Variants in LRRC4C observed in about 807,000 individuals in gnomAD.
LRRC4C encodes leucine-rich repeat-containing protein 4C.
A neutral mutation model predicts 33.6 loss-of-function variants in LRRC4C; 5 were observed. The ratio of observed to expected loss-of-function variants is 0.15; its 90% CI spans 0.08 to 0.31. LRRC4C has a LOEUF of 0.31. Ranked by LOEUF, LRRC4C falls within the 10% of genes least tolerant of loss-of-function variation. LRRC4C has a pLI of 1.00. For missense variants in LRRC4C, 560 were observed against 796.7 expected (o/e 0.70, Z 3.58); for synonymous variants, 329 against 302.0 (o/e 1.09, Z -0.93).
intron 2 of LRRC4C, among the ~76,000 whole-genome samples, chr11:40,896,031 T>G (rs2136146567): frequency 6.6e-6 from 1 of 152,086 alleles, no homozygotes; most frequent in Admixed American, 6.6e-5. Flanking sequence ...CACCAAGGGG[T>G]TTTAGATAAG....
chr11:40,214,372 T>TA (rs1394695871), intron 5 of LRRC4C, among the ~76,000 whole-genome samples: 13 of 152,138 alleles, frequency 8.5e-5, no homozygotes, highest in African/African-American at 3.1e-4. Context: ...ATTCTGTTCC[T>TA]AAGTCCCTAT....
chr11:41,410,740 G>A (rs566007625), intron 1 of LRRC4C, among the ~76,000 whole-genome samples: 3 of 152,114 alleles, frequency 2.0e-5, no homozygotes, highest in South Asian at 2.1e-4. Context: ...GCGCCTGGCC[G>A]AGAAAGTTAT....
intron 1 of LRRC4C, among the ~76,000 whole-genome samples, chr11:40,967,447 T>G (rs1457481873): frequency 6.6e-6 from 1 of 152,094 alleles, no homozygotes; most frequent in Non-Finnish European, 1.5e-5. Context: ...GCTTTGCAGT[T>G]AATGTGTTTT....
intron 2 of LRRC4C, among the ~76,000 whole-genome samples, chr11:40,872,734 A>G (rs1002457650): frequency 6.6e-6 from 1 of 152,136 alleles, no homozygotes; most frequent in African/African-American, 2.4e-5. Flanking sequence ...CATAAATTTT[A>G]TATTTCAGTA....
At chr11:40,409,082 G>T (rs1162059574) in intron 3 of LRRC4C, among the ~76,000 whole-genome samples, 1 of 151,786 alleles carries the variant, frequency 6.6e-6, no homozygotes, top group African/African-American at 2.4e-5. Context: ...AGAATAGAGA[G>T]CCCAGAAATC....
chr11:40,707,276 C>G (rs192448872), intron 2 of LRRC4C, among the ~76,000 whole-genome samples: 2,036 of 152,244 alleles, frequency 0.013, 41 homozygotes, highest in African/African-American at 0.047. Context: ...GGAGGGCATC[C>G]CTGTCTTGCA....
At chr11:40,683,806 A>G (rs1202427169) in intron 2 of LRRC4C, among the ~76,000 whole-genome samples, 1 of 152,240 alleles carries the variant, frequency 6.6e-6, no homozygotes. Flanking sequence ...TCCACCCACC[A>G]GTACAGAGGG....
chr11:40,948,955 A>G (rs1205318119), intron 1 of LRRC4C, among the ~76,000 whole-genome samples: 1 of 152,094 alleles, frequency 6.6e-6, no homozygotes, highest in Non-Finnish European at 1.5e-5. Flanking sequence ...TGACTTCCAC[A>G]ATGGTTGAAC....
At chr11:40,742,962 C>A (rs1025334748) in intron 2 of LRRC4C, among the ~76,000 whole-genome samples, 1 of 152,012 alleles carries the variant, frequency 6.6e-6, no homozygotes, top group African/African-American at 2.4e-5. Flanking sequence ...AAGGGAAATG[C>A]AAAACAGAAT....
chr11:41,097,504 A>T (rs897530977), intron 1 of LRRC4C, among the ~76,000 whole-genome samples: 6 of 152,144 alleles, frequency 3.9e-5, no homozygotes, highest in Non-Finnish European at 7.3e-5. Flanking sequence ...GGCTCCCAAG[A>T]TGAGAAATGT....
chr11:41,455,169 A>G (rs1956138701), intron 1 of LRRC4C, among the ~76,000 whole-genome samples: 1 of 152,078 alleles, frequency 6.6e-6, no homozygotes, highest in Admixed American at 6.6e-5. Flanking sequence ...TGTGAAAATC[A>G]CTGTATGCTG....
At chr11:40,909,906 G>A (rs1054863740) in intron 2 of LRRC4C, among the ~76,000 whole-genome samples, 2 of 152,266 alleles carry the variant, frequency 1.3e-5, no homozygotes, top group East Asian at 1.9e-4. Flanking sequence ...CACTTTTAGT[G>A]TCTTAGAAAA....
rs572018496 is a variant in LRRC4C, at chr11:40,269,445, T to C, written c.-175-27847A>G. ...CTATTTACTATTATCCCATTTATGA[T>C]GAGGAAAGCAATATTTAGGAAATTT... On this transcript the variant is annotated intron_variant, in intron 4 of 6. Transcript: ENST00000528697. 4.6e-5 allele frequency among the ~76,000 whole-genome samples: 7 copies of C among 152,288 alleles called. No individual in the cohort carries two copies. In the South Asian group the frequency reaches 1.5e-3, roughly 32 times the overall value.
At chr11:40,399,645 G>A (rs1432822809) in intron 3 of LRRC4C, among the ~76,000 whole-genome samples, 1 of 151,800 alleles carries the variant, frequency 6.6e-6, no homozygotes, top group Non-Finnish European at 1.5e-5. Context: ...TAACTAACCT[G>A]CACATTGTGC....
At chr11:40,888,252 G>A (rs1955551137) in intron 2 of LRRC4C, among the ~76,000 whole-genome samples, 1 of 151,806 alleles carries the variant, frequency 6.6e-6, no homozygotes, top group Admixed American at 6.6e-5. Context: ...AAACATACAT[G>A]AAATATGTCA....
intron 4 of LRRC4C, among the ~76,000 whole-genome samples, chr11:40,261,846 T>G (rs1200231482): frequency 6.6e-6 from 1 of 152,094 alleles, no homozygotes; most frequent in Non-Finnish European, 1.5e-5. Flanking sequence ...TCAGGACGGA[T>G]TAAAGACTTA....
intron 2 of LRRC4C, among the ~76,000 whole-genome samples, chr11:40,731,581 C>T (rs1947588434): frequency 6.6e-6 from 1 of 152,156 alleles, no homozygotes; most frequent in African/African-American, 2.4e-5. Flanking sequence ...GCCTAGTACA[C>T]TCCCATTACG....
chr11:41,011,828 T>TATATTATATTATATG (rs1158429623), intron 1 of LRRC4C, among the ~76,000 whole-genome samples: 6 of 146,990 alleles, frequency 4.1e-5, no homozygotes, highest in Non-Finnish European at 9.0e-5. Flanking sequence ...TGTTATATAT[T>TATATTATATTATATG]ATATTATATT....
At chr11:40,520,620 G>A (rs1955769536) in intron 3 of LRRC4C, among the ~76,000 whole-genome samples, 1 of 152,098 alleles carries the variant, frequency 6.6e-6, no homozygotes, top group Admixed American at 6.6e-5. Flanking sequence ...TAATATCTAA[G>A]ATCAGTACTC....
Sources: allele counts gnomAD v4.1 joint callset (sites outside exome capture counted in the v4.1 genomes callset), GRCh38; gene constraint gnomAD v4.1.1; transcripts MANE v1.5; gene names NCBI Gene and HGNC (gene_info 2026-07-23, HGNC 2026-07-21).